ARHGAP39: variants seen among roughly 807,000 people sequenced by gnomAD.
ARHGAP39 encodes the protein Rho GTPase activating protein 39.
Under a neutral mutation model 106.9 loss-of-function variants are expected in ARHGAP39, and 44 were observed. The observed-to-expected ratio is 0.41, with a 90% confidence interval of 0.32 to 0.53. ARHGAP39 has a LOEUF of 0.53. Ranked by LOEUF, ARHGAP39 falls within the 20% of genes least tolerant of loss-of-function variation. The probability of loss-of-function intolerance (pLI) is 0.21; values close to 1 mark genes in which losing one functional copy is unlikely to be tolerated. For missense variants in ARHGAP39, 1,496 were observed against 1,577.3 expected (o/e 0.95, Z 0.87); for synonymous variants, 768 against 693.2 (o/e 1.11, Z -1.69).
Position 144,643,403 on chromosome 8 carries a change from T to C in ARHGAP39, c.-81-37708A>G, listed in dbSNP as rs541458191. The stretch of plus-strand genomic sequence containing the variant: ...GGGAGGCAGAGGTTGCAGTGAGCTG[T>C]GATCATGCCACTGTACTTCAGCCTA... On this transcript the variant is annotated intron_variant, in intron 1 of 11. Coordinates refer to ENST00000377307, the MANE Select transcript of ARHGAP39 (RefSeq NM_025251.3). Among the ~76,000 whole-genome samples, 5 of 152,212 alleles carry C rather than the reference T, an allele frequency of 3.3e-5. No individual in the cohort carries two copies. In the East Asian group the frequency reaches 9.7e-4, roughly 29 times the overall value.
chr8:144,684,016 A>G lies in ARHGAP39; in HGVS notation c.-82+1670T>C, dbSNP rs1419660602. Among the ~76,000 whole-genome samples the G allele has an allele frequency of 6.6e-6, 1 of 152,234 alleles. No individual in the cohort carries two copies. On this transcript the variant is annotated intron_variant, in intron 1 of 11. Transcript: ENST00000377307. The surrounding 1 kb of genome is among the most constrained non-coding windows in gnomAD (Gnocchi z 4.4). The stretch of plus-strand genomic sequence containing the variant: ...CCAATATTATTAGTGTTCCCATTTT[A>G]CAGATGAGAAGCCAAAGGCACAGAG...
intron 1 of ARHGAP39, among the ~76,000 whole-genome samples, chr8:144,649,225 C>T (rs542941544): frequency 2.3e-4 from 35 of 152,030 alleles, no homozygotes; most frequent in Admixed American, 9.2e-4. Flanking sequence ...GGGCAGATCA[C>T]CGGTCAGGGG....
intron 3 of ARHGAP39, among the ~76,000 whole-genome samples, chr8:144,569,371 T>G (rs751860642): frequency 6.6e-6 from 1 of 152,196 alleles, no homozygotes; most frequent in Non-Finnish European, 1.5e-5. Flanking sequence ...GCAGTTTTAT[T>G]TGTAATAGCC....
rs117122547 is a variant in ARHGAP39, at chr8:144,596,267, G to A, written c.80+9268C>T. On this transcript the variant is annotated intron_variant, in intron 2 of 11. Coordinates refer to ENST00000377307, the MANE Select transcript of ARHGAP39 (RefSeq NM_025251.3). ...CACCCCTCAGTGGGCAGAGGGGGACGGCTGAGGCCTCGCCACCCCGGCACT... is the reference window on the plus strand; with the variant it reads ...CACCCCTCAGTGGGCAGAGGGGGACAGCTGAGGCCTCGCCACCCCGGCACT... Among the ~76,000 whole-genome samples, 533 of 149,074 alleles carry A rather than the reference G, an allele frequency of 3.6e-3. 9 individuals are homozygous for A. Among genetic ancestry groups the A allele is most frequent in the East Asian group, 0.028 (141 of 5,032 alleles).
intron 2 of ARHGAP39, among the ~76,000 whole-genome samples, chr8:144,595,238 C>T (rs539076954): frequency 2.0e-5 from 3 of 152,336 alleles, no homozygotes; most frequent in South Asian, 2.1e-4. Context: ...TGGCCCATCC[C>T]TACACGGGAA....
chr8:144,599,854 G>A (rs1028449821), intron 2 of ARHGAP39, among the ~76,000 whole-genome samples: 3 of 152,208 alleles, frequency 2.0e-5, no homozygotes, highest in African/African-American at 2.4e-5. Flanking sequence ...AGTGGAATGG[G>A]TGAAGCAATT....
At chr8:144,559,007 G>C (rs1818045266) in intron 3 of ARHGAP39, among the ~76,000 whole-genome samples, 1 of 152,220 alleles carries the variant, frequency 6.6e-6, no homozygotes, top group African/African-American at 2.4e-5. Context: ...AAGAGTTTGA[G>C]ACCAGCCTGG....
chr8:144,530,608 C>T lies in ARHGAP39; in HGVS notation c.3159G>A (p.Val1053=). The change falls in exon 12 of 12, where the codon GTG becomes GTA. Residue 1053 remains valine, a synonymous_variant. Coordinates refer to ENST00000377307, the MANE Select transcript of ARHGAP39 (RefSeq NM_025251.3). The part of the protein sequence containing the change: ...CYLIRFLQVF[V]QPANVAVTKM... Reference sequence around the variant, plus strand: ...TGGTGACCGCGACGTTGGCCGGCTGCACGAAGACCTGGTGGAGGAGCGAGG... The same window carrying T: ...TGGTGACCGCGACGTTGGCCGGCTGTACGAAGACCTGGTGGAGGAGCGAGG... 6.2e-7 allele frequency: 1 copy of T among 1,603,976 alleles called. No individual in the cohort carries two copies. The highest frequency in any genetic ancestry group is 8.5e-7 in the Non-Finnish European group (1 of 1,176,332).
At chr8:144,546,159 G>C (rs1236970596) in intron 5 of ARHGAP39, among the ~76,000 whole-genome samples, 2 of 152,200 alleles carry the variant, frequency 1.3e-5, no homozygotes, top group East Asian at 3.8e-4. Flanking sequence ...GGAAGTGTCA[G>C]TGCCCTTGTT....
rs531704567 is a variant in ARHGAP39, at chr8:144,569,469, C to T, written c.512+11377G>A. 1.1e-3 allele frequency among the ~76,000 whole-genome samples: 170 copies of T among 152,276 alleles called. 1 individual carries two copies. Among genetic ancestry groups the T allele is most frequent in the Middle Eastern group, 6.8e-3 (2 of 294 alleles). On this transcript the variant is annotated intron_variant, in intron 3 of 11. Transcript: ENST00000377307. ...TAAGCAGTGAAAAAGGAATAAACTA[C>T]GGATACATGTAACAACATGTCAAAA... is the stretch of plus-strand genomic sequence containing the variant.
chr8:144,582,437 A>G (rs1819029478), intron 2 of ARHGAP39, among the ~76,000 whole-genome samples: 1 of 152,182 alleles, frequency 6.6e-6, no homozygotes. Flanking sequence ...GGGCCCTCAC[A>G]CAGTGGCGGC....
intron 6 of ARHGAP39, among the ~76,000 whole-genome samples, chr8:144,539,766 T>A (rs547114100): frequency 6.6e-6 from 1 of 152,244 alleles, no homozygotes; most frequent in African/African-American, 2.4e-5. Flanking sequence ...ACTGACCCAC[T>A]GTCTACCTCA....
chr8:144,550,353 A>G (rs1487605523), intron 4 of ARHGAP39, among the ~76,000 whole-genome samples: 1 of 152,120 alleles, frequency 6.6e-6, no homozygotes, highest in Admixed American at 6.5e-5. Flanking sequence ...TAATCCCAGC[A>G]CTTGGGGAGG....
upstream of ARHGAP39, among the ~76,000 whole-genome samples, chr8:144,687,797 C>T (rs1261410825): frequency 3.5e-4 from 47 of 135,906 alleles, no homozygotes; most frequent in Admixed American, 3.8e-4. Flanking sequence ...CTTCCCACCC[C>T]GTGACCACAC....
At chr8:144,565,675 G>T (rs1316615029) in intron 3 of ARHGAP39, among the ~76,000 whole-genome samples, 1 of 152,092 alleles carries the variant, frequency 6.6e-6, no homozygotes, top group East Asian at 1.9e-4. Context: ...GTGACAGAGC[G>T]AGATTCCATC....
Position 144,605,674 on chromosome 8 carries a change from C to T in ARHGAP39, c.-60G>A. The stretch of plus-strand genomic sequence containing the variant: ...CAGGGCACCATACGCACAACGCCAG[C>T]ATCAGACGGGAAGGTGCCGCACTGC... On this transcript the variant is annotated 5_prime_UTR_variant, in exon 2 of 12. It removes an upstream start codon present in the reference 5' UTR. Transcript: ENST00000377307. 6.4e-7 allele frequency: 1 copy of T among 1,559,264 alleles called. No individual in the cohort carries two copies. The highest frequency in any genetic ancestry group is 8.8e-7 in the Non-Finnish European group (1 of 1,137,576).
chr8:144,555,702 G>A (rs1817891359), intron 3 of ARHGAP39, 59 bp from the exon 4 acceptor site: 2 of 1,447,342 alleles, frequency 1.4e-6, no homozygotes, highest in South Asian at 1.1e-5. Context: ...ACCATAACCA[G>A]CCACTCCCTG....
the ARHGAP39 span, among the ~76,000 whole-genome samples, chr8:144,696,060 C>G: frequency 0.14 from 21,503 of 152,062 alleles, 4,025 homozygotes; most frequent in African/African-American, 0.41. Flanking sequence ...TGAAAACAAG[C>G]TTGGGGATTA....
At chr8:144,620,244 TTA>T in intron 1 of ARHGAP39, among the ~76,000 whole-genome samples, 1 of 142,196 alleles carries the variant, frequency 7.0e-6, no homozygotes, top group Non-Finnish European at 1.5e-5. Flanking sequence ...CCCGTGTCTG[TTA>T]GCCTGTGTGT....
Sources: allele counts gnomAD v4.1 joint callset (sites outside exome capture counted in the v4.1 genomes callset), GRCh38; gene constraint gnomAD v4.1.1; non-coding constraint Gnocchi (gnomAD v3.1); transcripts MANE v1.5; gene names NCBI Gene and HGNC (gene_info 2026-07-23, HGNC 2026-07-21).